The following PDE4B variants were observed in gnomAD, a reference collection of about 807,000 sequenced individuals.
PDE4B encodes 3',5'-cyclic-AMP phosphodiesterase 4B.
Under a neutral mutation model 82.2 loss-of-function variants are expected in PDE4B, and 20 were observed. That is an observed-to-expected ratio of 0.24 (90% CI 0.17 to 0.35). The LOEUF is 0.35. Ranked by LOEUF, PDE4B falls within the 10% of genes least tolerant of loss-of-function variation. The pLI is 1.00. For missense variants in PDE4B, 655 were observed against 907.2 expected (o/e 0.72, Z 3.57); for synonymous variants, 320 against 318.9 (o/e 1.00, Z -0.04).
chr1:66,135,415 A>C (rs1646036488), intron 3 of PDE4B, among the ~76,000 whole-genome samples: 1 of 152,232 alleles, frequency 6.6e-6, no homozygotes, highest in African/African-American at 2.4e-5. Context: ...CAGTCTCGCC[A>C]TCAGGGGAAG....
intron 8 of PDE4B, 101 bp from the exon 9 acceptor site, chr1:66,355,426 T>C (rs973129152): frequency 3.2e-6 from 2 of 632,234 alleles, no homozygotes; most frequent in East Asian, 2.8e-5. Context: ...TGGTATCTGC[T>C]CATCCAACCT....
intron 1 of PDE4B, among the ~76,000 whole-genome samples, chr1:65,881,053 A>C (rs1265423654): frequency 1.3e-5 from 2 of 152,110 alleles, no homozygotes; most frequent in Non-Finnish European, 2.9e-5. Context: ...ACAACTCCTC[A>C]TTGTGACTAG....
chr1:65,970,881 A>T (rs1388550210), intron 3 of PDE4B, among the ~76,000 whole-genome samples: 1 of 152,004 alleles, frequency 6.6e-6, no homozygotes, highest in Non-Finnish European at 1.5e-5. Context: ...TGTGCGGTGC[A>T]GTAGCAGGAA....
At chr1:66,076,720 T>C (rs1656456334) in intron 3 of PDE4B, among the ~76,000 whole-genome samples, 2 of 152,174 alleles carry the variant, frequency 1.3e-5, no homozygotes, top group South Asian at 4.1e-4. Flanking sequence ...CAGTGTGAAA[T>C]GGTATCTCAT....
chr1:66,146,879 G>T (rs942122400), intron 3 of PDE4B, among the ~76,000 whole-genome samples: 1 of 152,066 alleles, frequency 6.6e-6, no homozygotes, highest in African/African-American at 2.4e-5. Context: ...GTACTTTCTT[G>T]TTCCTATTGC....
chr1:65,891,033 A>G (rs536486653), intron 1 of PDE4B, among the ~76,000 whole-genome samples: 6 of 152,220 alleles, frequency 3.9e-5, no homozygotes, highest in South Asian at 2.1e-4. Flanking sequence ...GGGAATGACT[A>G]TAATAGTACC....
chr1:66,017,634 T>C (rs146189216), intron 3 of PDE4B, among the ~76,000 whole-genome samples: 10 of 152,322 alleles, frequency 6.6e-5, no homozygotes, highest in South Asian at 4.1e-4. Flanking sequence ...TTTCTTGCTT[T>C]AATAGCTTCA....
chr1:66,238,454 G>A (rs1361088498), intron 3 of PDE4B, among the ~76,000 whole-genome samples: 1 of 152,178 alleles, frequency 6.6e-6, no homozygotes, highest in Non-Finnish European at 1.5e-5. Context: ...TTAAAAGATT[G>A]CTCTTGCTAT....
At chr1:66,189,554 A>C (rs1647546078) in intron 3 of PDE4B, among the ~76,000 whole-genome samples, 1 of 151,586 alleles carries the variant, frequency 6.6e-6, no homozygotes, top group African/African-American at 2.4e-5. Context: ...TTTTCTCTAT[A>C]CTTCTCTTCT....
At chr1:65,908,368 AT>A (rs1647050551) in intron 1 of PDE4B, among the ~76,000 whole-genome samples, 1 of 152,130 alleles carries the variant, frequency 6.6e-6, no homozygotes, top group Non-Finnish European at 1.5e-5. Flanking sequence ...ATTTAGAATG[AT>A]TGGCTTGGGG....
intron 7 of PDE4B, among the ~76,000 whole-genome samples, chr1:66,299,149 G>A (rs1460696745): frequency 2.6e-5 from 4 of 152,066 alleles, no homozygotes; most frequent in Non-Finnish European, 4.4e-5. Flanking sequence ...TTACCCCATA[G>A]TGCAATAGAA....
At position 66,338,671 on chromosome 1, in the gene PDE4B, C is replaced by T. The variant is rs541239855; in HGVS notation, c.747+6051C>T. 7.2e-5 allele frequency among the ~76,000 whole-genome samples: 11 copies of T among 152,310 alleles called. No individual in the cohort carries two copies. In the South Asian group the frequency reaches 2.3e-3, roughly 32 times the overall value. ...AAAGGTCTGTTCAAAGCACTGTAGA[C>T]TAACCCCAAATTCCCTTTTTCCCTG... On this transcript the variant is annotated intron_variant, in intron 8 of 16. Coordinates refer to ENST00000341517, the MANE Select transcript of PDE4B (RefSeq NM_002600.4).
chr1:65,825,730 C>G (rs940101137), intron 1 of PDE4B, among the ~76,000 whole-genome samples: 2 of 151,842 alleles, frequency 1.3e-5, no homozygotes, highest in Non-Finnish European at 2.9e-5. Flanking sequence ...ATCTATCTAT[C>G]TATCTATCTA....
intron 7 of PDE4B, among the ~76,000 whole-genome samples, chr1:66,303,696 T>C (rs1658068756): frequency 6.6e-6 from 1 of 151,934 alleles, no homozygotes; most frequent in African/African-American, 2.4e-5. Context: ...AGCCTTAGAG[T>C]TGAGAGAGTA....
intron 3 of PDE4B, chr1:66,152,536 T>A (rs1359347439): frequency 3.1e-6 from 1 of 325,038 alleles, no homozygotes; most frequent in East Asian, 7.6e-5. Context: ...TGATGAGGTA[T>A]GTATATGTAC....
intron 4 of PDE4B, among the ~76,000 whole-genome samples, chr1:66,249,042 T>C (rs1653549209): frequency 6.6e-6 from 1 of 152,222 alleles, no homozygotes; most frequent in Non-Finnish European, 1.5e-5. Context: ...TTTCCATCCA[T>C]GTTCTTCAAA....
In PDE4B at chr1:65,947,397, A is replaced by C. The variant is rs145391134; in HGVS notation, c.281+28562A>C. On this transcript the variant is annotated intron_variant, in intron 3 of 16. Coordinates refer to ENST00000341517, the MANE Select transcript of PDE4B (RefSeq NM_002600.4). ...CGGCTCGTGTATTAAATAGGACCCCATTAGGGACCACCATTCCTGTCTCCT... is the reference window on the plus strand; with the variant it reads ...CGGCTCGTGTATTAAATAGGACCCCCTTAGGGACCACCATTCCTGTCTCCT... Among the ~76,000 whole-genome samples the C allele has an allele frequency of 4.6e-5, 7 of 152,020 alleles. No individual in the cohort carries two copies. In the East Asian group the frequency reaches 1.4e-3, roughly 29 times the overall value.
intron 12 of PDE4B, among the ~76,000 whole-genome samples, chr1:66,363,776 A>G (rs188348343): frequency 2.6e-5 from 4 of 152,280 alleles, no homozygotes; most frequent in African/African-American, 9.6e-5. Context: ...CTAAAAAAAT[A>G]AAAATAAAAA....
chr1:65,907,548 C>G (rs975819667), intron 1 of PDE4B, among the ~76,000 whole-genome samples: 13 of 152,084 alleles, frequency 8.5e-5, no homozygotes, highest in African/African-American at 3.1e-4. Flanking sequence ...TGTCTTCCTT[C>G]AGTTCATAGT....
Sources: gnomAD v4.1 joint callset for allele counts (sites outside exome capture counted in the v4.1 genomes callset) on GRCh38, gnomAD v4.1.1 for gene constraint, MANE v1.5 for transcripts, NCBI Gene and HGNC (gene_info 2026-07-23, HGNC 2026-07-21) for gene names.